The following ATXN1 variants were observed in gnomAD, a reference collection of about 807,000 sequenced individuals.
ATXN1 encodes the protein ataxin 1.
ATXN1 carries 8 observed loss-of-function variants against 56.4 expected under a neutral mutation model. The observed-to-expected ratio is 0.14, with a 90% CI of 0.08 to 0.26. The LOEUF is 0.26. ATXN1 is among the 10% of genes least tolerant of loss of function. ATXN1 has a pLI of 1.00. For missense variants in ATXN1, 987 were observed against 1,106.5 expected, an observed-to-expected ratio of 0.89 and a Z score of 1.53; for synonymous variants, 514 against 494.6, an observed-to-expected ratio of 1.04 and a Z score of -0.52.
intron 2 of ATXN1, among the ~76,000 whole-genome samples, chr6:16,688,063 T>C (rs1385066942): frequency 1.3e-5 from 2 of 152,170 alleles, no homozygotes; most frequent in East Asian, 3.9e-4. Flanking sequence ...TAACCCCTGG[T>C]TGAGAACTTA....
intron 6 of ATXN1, among the ~76,000 whole-genome samples, chr6:16,479,384 T>C (rs1323757845): frequency 1.3e-5 from 2 of 152,234 alleles, no homozygotes; most frequent in Non-Finnish European, 2.9e-5. Flanking sequence ...TTATAGAAGA[T>C]GGATTAATTC....
intron 4 of ATXN1, among the ~76,000 whole-genome samples, chr6:16,550,802 A>G (rs1761908685): frequency 6.6e-6 from 1 of 152,230 alleles, no homozygotes; most frequent in Non-Finnish European, 1.5e-5. Context: ...TTTCTTGACT[A>G]TAAGCAATAT....
chr6:16,651,172 C>A (rs1289039330), intron 3 of ATXN1, among the ~76,000 whole-genome samples: 1 of 152,110 alleles, frequency 6.6e-6, no homozygotes, highest in Non-Finnish European at 1.5e-5. Flanking sequence ...CTGCAGCAGT[C>A]CAGGCAAGTG....
At chr6:16,411,988 G>A (rs1445698597) in intron 6 of ATXN1, among the ~76,000 whole-genome samples, 1 of 152,142 alleles carries the variant, frequency 6.6e-6, no homozygotes, top group Non-Finnish European at 1.5e-5. Context: ...CTTGCTTAGG[G>A]AAGACACCCA....
intron 7 of ATXN1, among the ~76,000 whole-genome samples, chr6:16,320,867 G>C (rs904554485): frequency 6.6e-6 from 1 of 152,162 alleles, no homozygotes. Flanking sequence ...GGCCACTCGC[G>C]GGATTCCACC....
At chr6:16,598,643 G>T (rs1411250942) in intron 3 of ATXN1, among the ~76,000 whole-genome samples, 1 of 152,180 alleles carries the variant, frequency 6.6e-6, no homozygotes, top group African/African-American at 2.4e-5. Context: ...TACACAGCAG[G>T]TCATAAGAAG....
chr6:16,485,589 G>C (rs1235503095), intron 6 of ATXN1: 3 of 152,124 alleles, frequency 2.0e-5, no homozygotes, highest in Non-Finnish European at 2.9e-5. Flanking sequence ...TTAGCCTGGA[G>C]AATTTTACCC....
chr6:16,591,067 G>C (rs2113770528), intron 3 of ATXN1, among the ~76,000 whole-genome samples: 1 of 152,126 alleles, frequency 6.6e-6, no homozygotes, highest in Admixed American at 6.6e-5. Context: ...GTCTCGACCA[G>C]CATGTGGTCT....
chr6:16,398,553 C>T (rs1024969144), intron 6 of ATXN1, among the ~76,000 whole-genome samples: 1 of 152,034 alleles, frequency 6.6e-6, no homozygotes, highest in Non-Finnish European at 1.5e-5. Context: ...TATATATGAA[C>T]ATGTGTGCAC....
At chr6:16,612,502 T>G (rs1465449441) in intron 3 of ATXN1, among the ~76,000 whole-genome samples, 2 of 151,844 alleles carry the variant, frequency 1.3e-5, no homozygotes, top group African/African-American at 4.8e-5. Flanking sequence ...AATGAGAAAA[T>G]TATGTATCAA....
intron 5 of ATXN1, among the ~76,000 whole-genome samples, chr6:16,521,856 G>A (rs796428816): frequency 2.8e-4 from 42 of 152,338 alleles, no homozygotes; most frequent in African/African-American, 1.0e-3. Flanking sequence ...ATCCATAACA[G>A]AAGTGTTCTG....
chr6:16,593,808 G>A (rs1211336855), intron 3 of ATXN1, among the ~76,000 whole-genome samples: 1 of 150,062 alleles, frequency 6.7e-6, no homozygotes. Context: ...TCCATTCTGT[G>A]AAGCAAAAAA....
At chr6:16,602,333 G>C (rs1172756178) in intron 3 of ATXN1, among the ~76,000 whole-genome samples, 1 of 151,688 alleles carries the variant, frequency 6.6e-6, no homozygotes, top group African/African-American at 2.4e-5. Context: ...CACTGTTTTT[G>C]CTCCGCCCAC....
intron 6 of ATXN1, among the ~76,000 whole-genome samples, chr6:16,478,004 T>G (rs1483804896): frequency 6.6e-6 from 1 of 152,202 alleles, no homozygotes; most frequent in African/African-American, 2.4e-5. Flanking sequence ...ACCACTCCCT[T>G]ACTTGCCTTT....
intron 7 of ATXN1, among the ~76,000 whole-genome samples, chr6:16,319,833 G>T (rs1760604017): frequency 6.7e-6 from 1 of 149,782 alleles, no homozygotes; most frequent in Non-Finnish European, 1.5e-5. Context: ...AGCACATACA[G>T]TTTAAAGGAG....
rs1019415855 is a variant in ATXN1, at chr6:16,739,562, C to T, written c.-615+13671G>A. The T allele has an allele frequency of 1.0e-5, 3 of 288,824 alleles. No individual in the cohort carries two copies. The East Asian group carries it at 2.3e-4, about 22-fold the overall frequency. 17.9% of individuals were successfully genotyped at this position (288,824 alleles called of 1,614,324 possible). The stretch of plus-strand genomic sequence containing the variant: ...TTTGTGTAAAGACTCCCCAAGAGCT[C>T]AAGAGGGAGTTGCTGCTCTGCAAAT... On this transcript the variant is annotated intron_variant, in intron 2 of 7. Transcript: ENST00000436367.
chr6:16,328,140 G>A lies in ATXN1; in HGVS notation c.171C>T (p.Gly57=), dbSNP rs143272800. 2.5e-4 allele frequency: 398 copies of A among 1,579,260 alleles called. 1 individual carries two copies. Among genetic ancestry groups the A allele is most frequent in the East Asian group, 7.9e-4 (35 of 44,486 alleles). ...PGNPGGRGHG[G]GRHGPAGTSV... is the part of the protein sequence containing the mutation. ...AGGTCCCTGCCGGCCCATGCCTCCC[G>A]CCCCCGTGGCCCCGGCCACCAGGGT... is the stretch of plus-strand genomic sequence containing the variant. The change falls in exon 7 of 8, where the codon GGC becomes GGT. Residue 57 remains glycine, a synonymous_variant. Transcript: ENST00000436367. This position sits in a 1 kb window ranked among gnomAD's most constrained non-coding sequence, Gnocchi z 6.2.
At chr6:16,499,774 GCAAAAAGAATA>G (rs1214967898) in intron 5 of ATXN1, among the ~76,000 whole-genome samples, 1 of 152,196 alleles carries the variant, frequency 6.6e-6, no homozygotes, top group Non-Finnish European at 1.5e-5. Context: ...TTTATCTTAA[GCAAAAAGAATA>G]CAGTGTAGGT....
At chr6:16,310,735 C>G (rs1239793740) in intron 7 of ATXN1, among the ~76,000 whole-genome samples, 4 of 152,330 alleles carry the variant, frequency 2.6e-5, no homozygotes, top group African/African-American at 9.6e-5. Context: ...GATCCACCCG[C>G]CTCAGTCTCC....
Sources: allele counts gnomAD v4.1 joint callset (sites outside exome capture counted in the v4.1 genomes callset), GRCh38; gene constraint gnomAD v4.1.1; non-coding constraint Gnocchi (gnomAD v3.1); transcripts MANE v1.5; gene names NCBI Gene and HGNC (gene_info 2026-07-23, HGNC 2026-07-21).